Variants in SLAMF7 observed in about 807,000 individuals in gnomAD.
SLAMF7 encodes SLAM family member 7.
In SLAMF7, 26 loss-of-function variants were observed where a neutral mutation model predicts 34.1. The ratio of observed to expected loss-of-function variants is 0.76; its 90% CI spans 0.56 to 1.06. The LOEUF is 1.06. Ranked by LOEUF, SLAMF7 falls within the 50% of genes least tolerant of loss-of-function variation. SLAMF7 has a pLI of 0.00. For synonymous variants in SLAMF7, 171 were observed against 156.4 expected (o/e 1.09, Z -0.70); for missense variants, 399 against 402.5 (o/e 0.99, Z 0.07).
In SLAMF7 at chr1:160,739,406, T is replaced by C. The variant is rs779991572; in HGVS notation, c.55+50T>C. ...ACTCTCCTGTCTACCCCATCCTGAA[T>C]AGTTCCAGGTTTCTTGTTCCACTCT... is the stretch of plus-strand genomic sequence containing the variant. On this transcript the variant is annotated intron_variant, in intron 1 of 6. Coordinates refer to ENST00000368043, the MANE Select transcript of SLAMF7 (RefSeq NM_021181.5). The C allele has an allele frequency of 2.1e-5, 32 of 1,524,380 alleles. 2 individuals are homozygous for C. The highest frequency in any genetic ancestry group is 3.4e-4 in the Middle Eastern group (2 of 5,802). The allele number at this position is 1,524,380 out of a possible 1,614,324, so 94.4% of individuals were successfully genotyped here. A position where few individuals can be genotyped will look rare whatever the true frequency, so the allele number is the denominator to read the frequency against.
chr1:160,751,254 C>A (rs1430497760), intron 4 of SLAMF7, 91 bp from the exon 5 acceptor site: 1 of 940,416 alleles, frequency 1.1e-6, no homozygotes, highest in East Asian at 2.4e-5. Flanking sequence ...GGTTGGTCAC[C>A]CTAAGTGGGT....
In SLAMF7 at chr1:160,751,464, T is replaced by C. The variant is rs1373926902; in HGVS notation, c.873+16T>C. 3.8e-6 allele frequency: 6 copies of C among 1,586,638 alleles called. No individual in the cohort carries two copies. The highest frequency in any genetic ancestry group is 5.2e-6 in the Non-Finnish European group (6 of 1,155,056). On this transcript the variant is annotated intron_variant, in intron 5 of 6. Coordinates refer to ENST00000368043, the MANE Select transcript of SLAMF7 (RefSeq NM_021181.5). Reference sequence around the variant, plus strand: ...TCACACTAATGTGAGTCCCTTCTCATCTTTCCTGAGAACTGATCCTGTCTC... The same window carrying C: ...TCACACTAATGTGAGTCCCTTCTCACCTTTCCTGAGAACTGATCCTGTCTC...
intron 4 of SLAMF7, 37 bp from the exon 5 acceptor site, chr1:160,751,308 G>A (rs1281845164): frequency 6.8e-7 from 1 of 1,463,846 alleles, no homozygotes; most frequent in East Asian, 2.3e-5. Context: ...TGAGTGGTTG[G>A]AGAGGTGGCT....
intron 1 of SLAMF7, among the ~76,000 whole-genome samples, chr1:160,741,100 G>A (rs114944316): frequency 2.2e-4 from 33 of 152,314 alleles, no homozygotes; most frequent in African/African-American, 6.7e-4. Flanking sequence ...AGAAGAACGG[G>A]TAGCTCTGTT....
intron 1 of SLAMF7, 48 bp from the exon 2 acceptor site, chr1:160,748,146 G>A: frequency 3.2e-6 from 5 of 1,577,054 alleles, no homozygotes; most frequent in Non-Finnish European, 4.3e-6. Flanking sequence ...AGTAATTGGT[G>A]ACAAGGACAG....
chr1:160,751,332 A>G lies in SLAMF7; in HGVS notation c.770-13A>G. The G allele has an allele frequency of 6.2e-7, 1 of 1,601,150 alleles. No individual in the cohort carries two copies. The highest frequency in any genetic ancestry group is 8.6e-7 in the Non-Finnish European group (1 of 1,168,186). On this transcript the variant is annotated splice_polypyrimidine_tract_variant and intron_variant, in intron 4 of 6. Transcript: ENST00000368043. ...GGAGAGGTGGCTTTGATTCTCTCCC[A>G]ACTTGCTTTTAGAGTACATTGAAGA...
At chr1:160,747,050 A>G (rs1192849885) in intron 1 of SLAMF7, among the ~76,000 whole-genome samples, 1 of 152,182 alleles carries the variant, frequency 6.6e-6, no homozygotes, top group Non-Finnish European at 1.5e-5. Flanking sequence ...CTCAATTACA[A>G]TGTGAATGCT....
At chr1:160,747,828 T>A (rs557593968) in intron 1 of SLAMF7, among the ~76,000 whole-genome samples, 1 of 152,366 alleles carries the variant, frequency 6.6e-6, no homozygotes, top group South Asian at 2.1e-4. Context: ...ATAAGATGAC[T>A]TACTCCCCAC....
rs1486502880 is a variant in SLAMF7 at position 160,750,312 on chromosome 1, G to A, written c.658G>A (p.Asp220Asn). The A allele has an allele frequency of 2.5e-6, 4 of 1,614,026 alleles. No individual in the cohort carries two copies. In the East Asian group the frequency reaches 8.9e-5, roughly 36 times the overall value. ...LARKLCEGAA[D>N]DPDSSMVLLC... ...CCACCCATTCTCTGAAGGTGCTGCTGATGACCCAGATTCCTCCATGGTCCT... is the reference window on the plus strand; with the variant it reads ...CCACCCATTCTCTGAAGGTGCTGCTAATGACCCAGATTCCTCCATGGTCCT... Residue 220 changes from aspartate (D) to asparagine (N), a missense_variant, in exon 4 of 7, where the codon GAT (aspartate) becomes AAT (asparagine). Coordinates refer to ENST00000368043, the MANE Select transcript of SLAMF7 (RefSeq NM_021181.5).
chr1:160,745,873 T>G (rs1300936568), intron 1 of SLAMF7, among the ~76,000 whole-genome samples: 1 of 152,232 alleles, frequency 6.6e-6, no homozygotes, highest in East Asian at 1.9e-4. Flanking sequence ...GAATAAACAT[T>G]TAATACATGA....
At chr1:160,745,045 T>C (rs986799271) in intron 1 of SLAMF7, among the ~76,000 whole-genome samples, 1 of 152,138 alleles carries the variant, frequency 6.6e-6, no homozygotes, top group Non-Finnish European at 1.5e-5. Context: ...ATCCAAAGTA[T>C]ATATGTACCA....
intron 1 of SLAMF7, among the ~76,000 whole-genome samples, chr1:160,741,430 C>T (rs866558263): frequency 3.9e-5 from 6 of 152,140 alleles, no homozygotes; most frequent in Middle Eastern, 6.8e-3. Context: ...TGTGGTGAAG[C>T]GGGAAACTTT....
intron 1 of SLAMF7, among the ~76,000 whole-genome samples, chr1:160,746,441 T>A (rs1240319837): frequency 2.6e-5 from 4 of 152,342 alleles, no homozygotes; most frequent in Non-Finnish European, 4.4e-5. Flanking sequence ...TTTTCATGAC[T>A]GAATTAATAA....
At chr1:160,742,319 C>T (rs1445427744) in intron 1 of SLAMF7, among the ~76,000 whole-genome samples, 1 of 152,174 alleles carries the variant, frequency 6.6e-6, no homozygotes, top group Admixed American at 6.5e-5. Flanking sequence ...CAAAGGGTCT[C>T]CTGCCCCAGC....
At chr1:160,748,606 C>A in intron 2 of SLAMF7, 92 bp downstream of exon 2, 1 of 1,215,104 alleles carries the variant, frequency 8.2e-7, no homozygotes, top group Non-Finnish European at 1.2e-6. Context: ...GCTGAATAAA[C>A]ACTTGGCAAG....
chr1:160,745,793 G>C (rs1664083557), intron 1 of SLAMF7, among the ~76,000 whole-genome samples: 1 of 152,142 alleles, frequency 6.6e-6, no homozygotes, highest in Non-Finnish European at 1.5e-5. Flanking sequence ...TGTGTAAAAG[G>C]GTCAAAATGC....
Position 160,739,444 on chromosome 1 carries a change from C to T in SLAMF7, c.55+88C>T. 3 of 1,125,000 alleles carry T rather than the reference C, an allele frequency of 2.7e-6. No individual in the cohort carries two copies. In the South Asian group the frequency reaches 4.3e-5, roughly 16 times the overall value. The allele number at this position is 1,125,000 out of a possible 1,614,324, so 69.7% of individuals were successfully genotyped here. Reference sequence around the variant, plus strand: ...CTTGTTCCACTCTGGGCCTCTGGCTCAACTCGGGAGGCTCTGTGTTCTCAT... The same window carrying T: ...CTTGTTCCACTCTGGGCCTCTGGCTTAACTCGGGAGGCTCTGTGTTCTCAT... On this transcript the variant is annotated intron_variant, in intron 1 of 6. Coordinates refer to ENST00000368043, the MANE Select transcript of SLAMF7 (RefSeq NM_021181.5).
At chr1:160,739,853 T>G (rs996957038) in intron 1 of SLAMF7, 2 of 155,192 alleles carry the variant, frequency 1.3e-5, no homozygotes, top group African/African-American at 4.8e-5. Context: ...ACTCAAGCAA[T>G]GTAATCAGTC....
chr1:160,750,507 C>T, intron 4 of SLAMF7, 84 bp downstream of exon 4: 1 of 1,500,678 alleles, frequency 6.7e-7, no homozygotes. Context: ...GAGCTGTGTG[C>T]CAGACTTGGC....
Sources: gnomAD v4.1 joint callset for allele counts (sites outside exome capture counted in the v4.1 genomes callset) on GRCh38, gnomAD v4.1.1 for gene constraint, MANE v1.5 for transcripts, NCBI Gene and HGNC (gene_info 2026-07-23, HGNC 2026-07-21) for gene names.